Variants in KCNA2 observed in about 807,000 individuals in gnomAD.
The protein encoded by KCNA2 is potassium voltage-gated channel subfamily A member 2, also known as potassium channel, voltage gated shaker related subfamily A, member 2.
A neutral mutation model predicts 33.4 loss-of-function variants in KCNA2; 11 were observed. The ratio of observed to expected loss-of-function variants is 0.33; its 90% CI spans 0.21 to 0.55. KCNA2 has a LOEUF of 0.55. KCNA2 is among the 20% of genes least tolerant of loss of function. The pLI is 0.93. For missense variants in KCNA2, 291 were observed against 621.6 expected (o/e 0.47, Z 5.66); for synonymous variants, 222 against 231.3 (o/e 0.96, Z 0.37).
intron 1 of KCNA2, among the ~76,000 whole-genome samples, chr1:110,628,789 T>G (rs533851810): frequency 1.3e-5 from 2 of 152,336 alleles, no homozygotes; most frequent in East Asian, 3.9e-4. Context: ...AGAATTCGTC[T>G]GTACATTTTA....
intron 1 of KCNA2, among the ~76,000 whole-genome samples, chr1:110,627,118 G>T (rs1650415499): frequency 6.6e-6 from 1 of 152,178 alleles, no homozygotes; most frequent in Non-Finnish European, 1.5e-5. Flanking sequence ...AACCAGACAT[G>T]GTGCAGCACC....
rs1648989852 is a variant in KCNA2 at position 110,594,233 on chromosome 1, C to T, written c.*9050G>A. On this transcript the variant is annotated 3_prime_UTR_variant, in exon 3 of 3. Transcript: ENST00000316361. ...GCAAGGAAGCCAGTGCAAACCCTAA[C>T]TGGAGTCTGTGCTGCATGAGCCTAA... is the stretch of plus-strand genomic sequence containing the variant. 4 of 1,092,254 alleles carry T rather than the reference C, an allele frequency of 3.7e-6. No homozygotes were observed. Among genetic ancestry groups the T allele is most frequent in the South Asian group, 2.9e-5 (1 of 34,018 alleles). 67.7% of individuals were successfully genotyped at this position (1,092,254 alleles called of 1,614,324 possible).
Position 110,600,272 on chromosome 1 carries a change from T to C in KCNA2, c.*3011A>G. ...ATGCCTATTATAAGTTAATGCATCG[T>C]GTGTATATACTGAGTTTGTGTGTAT... On this transcript the variant is annotated 3_prime_UTR_variant, in exon 3 of 3. Transcript: ENST00000316361. 1 of 982,770 alleles carries C rather than the reference T, an allele frequency of 1.0e-6. No homozygotes were observed. Among genetic ancestry groups the C allele is most frequent in the Non-Finnish European group, 1.2e-6 (1 of 829,440 alleles). The allele number at this position is 982,770 out of a possible 1,614,324, so 60.9% of individuals were successfully genotyped here.
rs1460915226 is a variant in KCNA2, at chr1:110,594,619, C to A, written c.*8664G>T. 1.0e-6 allele frequency: 1 copy of A among 985,216 alleles called. No homozygotes were observed. Among genetic ancestry groups the A allele is most frequent in the Non-Finnish European group, 1.2e-6 (1 of 829,946 alleles). 61.0% of individuals were successfully genotyped at this position (985,216 alleles called of 1,614,324 possible). ...AGCAGGCTAGAGCTTGATCATGGGA[C>A]TTTCCAGCTTCCTGGGGCCCTTCAA... On this transcript the variant is annotated 3_prime_UTR_variant, in exon 3 of 3. Transcript: ENST00000316361.
At chr1:110,624,674 A>G (rs553461146) in intron 1 of KCNA2, among the ~76,000 whole-genome samples, 1 of 152,354 alleles carries the variant, frequency 6.6e-6, no homozygotes, top group South Asian at 2.1e-4. Flanking sequence ...GGGAAAAATG[A>G]TGGGAAAAAT....
chr1:110,619,292 G>A (rs1249947803), intron 1 of KCNA2, among the ~76,000 whole-genome samples: 1 of 152,166 alleles, frequency 6.6e-6, no homozygotes, highest in Non-Finnish European at 1.5e-5. Context: ...CCTAGGAGAT[G>A]CCTGGCACAC....
Position 110,598,879 on chromosome 1 carries a change from C to A in KCNA2, c.*4404G>T. The A allele has an allele frequency of 1.0e-6, 1 of 985,414 alleles. No homozygotes were observed. The highest frequency in any genetic ancestry group is 1.2e-6 in the Non-Finnish European group (1 of 829,922). The allele number at this position is 985,414 out of a possible 1,614,324, so 61.0% of individuals were successfully genotyped here. On this transcript the variant is annotated 3_prime_UTR_variant, in exon 3 of 3. Transcript: ENST00000316361. The stretch of plus-strand genomic sequence containing the variant: ...TTACTCTGAAATTTGACCCACTCAG[C>A]CACTCTCTCTTCCTGACAATCTCTC...
chr1:110,619,518 A>AG (rs1220781748), intron 1 of KCNA2, among the ~76,000 whole-genome samples: 1 of 152,234 alleles, frequency 6.6e-6, no homozygotes, highest in Non-Finnish European at 1.5e-5. Context: ...ACTGGCCGCC[A>AG]GGGGGCGCCA....
At chr1:110,612,695 C>T (rs114519284) in intron 1 of KCNA2, among the ~76,000 whole-genome samples, 2,252 of 152,304 alleles carry the variant, frequency 0.015, 60 homozygotes, top group African/African-American at 0.052. Flanking sequence ...GGATCTATCA[C>T]CTCTTCAACT....
upstream of KCNA2, among the ~76,000 whole-genome samples, chr1:110,609,061 A>G (rs1032430): frequency 0.23 from 35,346 of 151,662 alleles, 6,531 homozygotes; most frequent in African/African-American, 0.48. Flanking sequence ...AGATCTCACC[A>G]TTCCCACCCC....
chr1:110,627,305 C>T (rs554624766), intron 1 of KCNA2, among the ~76,000 whole-genome samples: 2 of 152,216 alleles, frequency 1.3e-5, no homozygotes, highest in Non-Finnish European at 2.9e-5. Context: ...ATTAATGAGA[C>T]GCTGGAAAGA....
At chr1:110,618,572 C>T (rs1400856814) in intron 1 of KCNA2, among the ~76,000 whole-genome samples, 3 of 152,234 alleles carry the variant, frequency 2.0e-5, no homozygotes, top group Middle Eastern at 6.8e-3. Context: ...CCCAGGAGAG[C>T]CACGAAAGGA....
chr1:110,624,998 C>T (rs559068379), intron 1 of KCNA2, among the ~76,000 whole-genome samples: 1 of 152,326 alleles, frequency 6.6e-6, no homozygotes, highest in East Asian at 1.9e-4. Flanking sequence ...ATCATCCTGA[C>T]TTCTTCCTCC....
chr1:110,613,799 G>A (rs527845302), intron 1 of KCNA2, among the ~76,000 whole-genome samples: 1 of 152,268 alleles, frequency 6.6e-6, no homozygotes, highest in East Asian at 1.9e-4. Flanking sequence ...AAGAACCACG[G>A]TTTGAACTCA....
chr1:110,601,652 T>C lies in KCNA2; in HGVS notation c.*1631A>G. ...AGGAATCCATGGATACCGGAGTGTC[T>C]GAGGCAATGGCAGCAAACCCAGGCC... is the stretch of plus-strand genomic sequence containing the variant. On this transcript the variant is annotated 3_prime_UTR_variant, in exon 3 of 3. Coordinates refer to ENST00000316361, the MANE Select transcript of KCNA2 (RefSeq NM_004974.4). 9.6e-7 allele frequency: 1 copy of C among 1,041,896 alleles called. No homozygotes were observed. 64.5% of individuals were successfully genotyped at this position (1,041,896 alleles called of 1,614,324 possible). A position where few individuals can be genotyped will look rare whatever the true frequency, so the allele number is the denominator to read the frequency against.
intron 1 of KCNA2, among the ~76,000 whole-genome samples, chr1:110,620,053 CGA>C (rs3050013): frequency 0.22 from 28,281 of 126,694 alleles, 2,765 homozygotes; most frequent in Non-Finnish European, 0.28. Context: ...AGAGCGAGAG[CGA>C]GAGAGAGAGA....
At chr1:110,608,124 C>G (rs1649742867), upstream of KCNA2, 1 of 152,334 alleles carries the variant, frequency 6.6e-6, no homozygotes. Context: ...ACTTGCAAAG[C>G]CAGGTGGCCC....
At chr1:110,619,674 C>T (rs1650184356) in intron 1 of KCNA2, among the ~76,000 whole-genome samples, 1 of 152,222 alleles carries the variant, frequency 6.6e-6, no homozygotes, top group African/African-American at 2.4e-5. Flanking sequence ...TGGCTCCCTG[C>T]GCATCCCGTA....
In KCNA2 at chr1:110,594,326, T is replaced by G; in HGVS notation, c.*8957A>C. ...ATATATACATATATATATATATGTG[T>G]GTGTATATATATATACACACACATC... On this transcript the variant is annotated 3_prime_UTR_variant, in exon 3 of 3. Coordinates refer to ENST00000316361, the MANE Select transcript of KCNA2 (RefSeq NM_004974.4). 4.3e-6 allele frequency: 4 copies of G among 934,572 alleles called. No individual in the cohort carries two copies. Among genetic ancestry groups the G allele is most frequent in the Non-Finnish European group, 5.1e-6 (4 of 786,312 alleles). 57.9% of individuals were successfully genotyped at this position (934,572 alleles called of 1,614,324 possible).
Sources: allele counts gnomAD v4.1 joint callset (sites outside exome capture counted in the v4.1 genomes callset), GRCh38; gene constraint gnomAD v4.1.1; transcripts MANE v1.5; gene names NCBI Gene and HGNC (gene_info 2026-07-23, HGNC 2026-07-21).